DAB1: variants seen among roughly 807,000 people sequenced by gnomAD.
DAB1 encodes DAB adaptor protein 1, also known as disabled homolog 1.
DAB1 carries 15 observed loss-of-function variants against 64.6 expected under a neutral mutation model. That is an observed-to-expected ratio of 0.23 (90% CI 0.16 to 0.36). DAB1 has a LOEUF of 0.36. Ranked by LOEUF, DAB1 falls within the 10% of genes least tolerant of loss-of-function variation. The pLI, the probability that DAB1 is intolerant of heterozygous loss-of-function variation, is 1.00. For synonymous variants in DAB1, 235 were observed against 251.9 expected (o/e 0.93, Z 0.64); for missense variants, 596 against 706.7 (o/e 0.84, Z 1.78).
At chr1:58,366,772 G>C (rs1004481652) in intron 3 of DAB1, among the ~76,000 whole-genome samples, 4 of 152,220 alleles carry the variant, frequency 2.6e-5, no homozygotes, top group African/African-American at 9.7e-5. Context: ...CCAGGGACCA[G>C]CAGGCAAGAC....
At chr1:58,084,542 T>G (rs1002091141) in intron 5 of DAB1, 48 of 192,256 alleles carry the variant, frequency 2.5e-4, no homozygotes, top group African/African-American at 9.3e-4. Context: ...GTAGTCCCAA[T>G]CTCTAAGCAG....
At chr1:57,760,995 G>C (rs1323823) in intron 6 of DAB1, among the ~76,000 whole-genome samples, 30,513 of 152,162 alleles carry the variant, frequency 0.2, 4,140 homozygotes, top group East Asian at 0.48. Context: ...AGTATAAGGA[G>C]GGATATAGAA....
chr1:57,238,837 A>T lies in DAB1; in HGVS notation c.67+52127T>A, dbSNP rs1008834502. Among the ~76,000 whole-genome samples the T allele has an allele frequency of 2.1e-5, 3 of 141,042 alleles. No homozygotes were observed. In the Admixed American group the frequency reaches 2.2e-4, roughly 10 times the overall value. The allele number at this position is 141,042 out of a possible 152,430, so 92.5% of individuals were successfully genotyped here. On this transcript the variant is annotated intron_variant, in intron 2 of 14. Transcript: ENST00000371236. ...TACACACACTGGCAGGCGTGTGCAC[A>T]TGCGCACACACACACACACACATAC...
At chr1:57,064,370 A>G (rs1650699364) in intron 8 of DAB1, among the ~76,000 whole-genome samples, 1 of 152,200 alleles carries the variant, frequency 6.6e-6, no homozygotes, top group Admixed American at 6.5e-5. Context: ...CAAGACATCT[A>G]TTATTAATAA....
chr1:57,129,233 G>GAATT (rs572755255), intron 4 of DAB1, among the ~76,000 whole-genome samples: 161 of 152,246 alleles, frequency 1.1e-3, no homozygotes, highest in Middle Eastern at 3.4e-3. Flanking sequence ...CCCCTGTCAT[G>GAATT]AATTATAGAC....
chr1:57,690,011 G>T (rs546726683), intron 6 of DAB1, among the ~76,000 whole-genome samples: 1 of 152,184 alleles, frequency 6.6e-6, no homozygotes, highest in East Asian at 1.9e-4. Context: ...CATCATGTTT[G>T]TCTTTCTGTG....
At chr1:57,266,266 C>G (rs1206242772) in intron 2 of DAB1, among the ~76,000 whole-genome samples, 1 of 152,088 alleles carries the variant, frequency 6.6e-6, no homozygotes, top group Non-Finnish European at 1.5e-5. Flanking sequence ...TAATATTTTC[C>G]CTTCATGAGT....
At chr1:57,658,014 C>G (rs1022066478) in intron 6 of DAB1, among the ~76,000 whole-genome samples, 3 of 152,122 alleles carry the variant, frequency 2.0e-5, no homozygotes, top group Non-Finnish European at 4.4e-5. Context: ...ATATTCCAGA[C>G]ATGGTTCTAG....
chr1:57,328,722 A>C (rs1454063711), intron 1 of DAB1, among the ~76,000 whole-genome samples: 3 of 152,050 alleles, frequency 2.0e-5, no homozygotes, highest in Non-Finnish European at 4.4e-5. Flanking sequence ...TCTCTATATC[A>C]CCACTTTGCA....
intron 2 of DAB1, among the ~76,000 whole-genome samples, chr1:57,278,933 A>G (rs1232058658): frequency 6.6e-6 from 1 of 152,238 alleles, no homozygotes; most frequent in Non-Finnish European, 1.5e-5. Context: ...GAAAACAGAT[A>G]TAAAGGTTTG....
At chr1:58,292,845 T>C (rs1661879498) in intron 4 of DAB1, among the ~76,000 whole-genome samples, 1 of 152,192 alleles carries the variant, frequency 6.6e-6, no homozygotes, top group South Asian at 2.1e-4. Flanking sequence ...ACTTAACAAG[T>C]ATTCTGAGCA....
intron 7 of DAB1, among the ~76,000 whole-genome samples, chr1:57,609,938 G>A (rs902674205): frequency 6.6e-6 from 1 of 152,126 alleles, no homozygotes; most frequent in Admixed American, 6.5e-5. Flanking sequence ...TTCTGGACAG[G>A]TACGAAGTTA....
intron 6 of DAB1, among the ~76,000 whole-genome samples, chr1:57,652,625 C>T (rs1035096319): frequency 9.9e-5 from 15 of 152,048 alleles, no homozygotes; most frequent in African/African-American, 7.2e-5. Context: ...TTGGAAGAAA[C>T]GTCCCCTCTT....
At chr1:57,995,986 C>T (rs550858808) in intron 5 of DAB1, among the ~76,000 whole-genome samples, 3 of 152,224 alleles carry the variant, frequency 2.0e-5, no homozygotes, top group East Asian at 3.9e-4. Context: ...AGTCTGGGCG[C>T]GGTGGCTCAT....
At chr1:57,002,193 T>C (rs1220676006) in intron 14 of DAB1, among the ~76,000 whole-genome samples, 3 of 152,198 alleles carry the variant, frequency 2.0e-5, no homozygotes, top group Non-Finnish European at 4.4e-5. Flanking sequence ...CTAACCTTTC[T>C]GTAAGTGAAA....
intron 1 of DAB1, among the ~76,000 whole-genome samples, chr1:57,337,882 CT>C (rs1677218292): frequency 1.7e-5 from 1 of 58,648 alleles, no homozygotes; most frequent in African/African-American, 6.5e-5. Context: ...CCTCCCCTCC[CT>C]TCCCTTCCCT....
chr1:57,446,784 T>C (rs1686158006), intron 7 of DAB1, among the ~76,000 whole-genome samples: 1 of 152,140 alleles, frequency 6.6e-6, no homozygotes, highest in Admixed American at 6.6e-5. Flanking sequence ...TTCCTGGAGT[T>C]TGGCAGGAAG....
At chr1:57,119,384 C>T (rs921936118) in intron 4 of DAB1, among the ~76,000 whole-genome samples, 12 of 151,818 alleles carry the variant, frequency 7.9e-5, no homozygotes, top group Non-Finnish European at 5.9e-5. Flanking sequence ...AGTGTCTTTC[C>T]CCCCTCCTCT....
At chr1:58,466,350 C>G (rs1254332697) in intron 3 of DAB1, among the ~76,000 whole-genome samples, 1 of 152,106 alleles carries the variant, frequency 6.6e-6, no homozygotes, top group Non-Finnish European at 1.5e-5. Flanking sequence ...CCAGCCTCCC[C>G]TGGCCTCTAC....
Sources: gnomAD v4.1 joint callset for allele counts (sites outside exome capture counted in the v4.1 genomes callset) on GRCh38, gnomAD v4.1.1 for gene constraint, MANE v1.5 for transcripts, NCBI Gene and HGNC (gene_info 2026-07-23, HGNC 2026-07-21) for gene names.